The following FTO variants were observed in gnomAD, a reference collection of about 807,000 sequenced individuals.
FTO encodes alpha-ketoglutarate-dependent dioxygenase FTO.
In FTO, 47 loss-of-function variants were observed where a neutral mutation model predicts 63.9. The observed-to-expected ratio is 0.74, with a 90% CI of 0.58 to 0.94. The LOEUF (loss-of-function observed/expected upper bound fraction) is 0.94. Among genes scored for constraint, FTO ranks in the 40% least tolerant of loss-of-function variants. The pLI, the probability that FTO is intolerant of heterozygous loss-of-function variation, is 0.00. For synonymous variants in FTO, 207 were observed against 224.4 expected (o/e 0.92, Z 0.69); for missense variants, 562 against 618.1 (o/e 0.91, Z 0.96).
At chr16:54,033,911 A>G (rs1414122822) in intron 8 of FTO, 2 of 152,190 alleles carry the variant, frequency 1.3e-5, no homozygotes, top group African/African-American at 4.8e-5. Flanking sequence ...TCCAAACAAT[A>G]TGACTCGCCT....
At chr16:53,861,124 A>G (rs1015484229) in intron 4 of FTO, among the ~76,000 whole-genome samples, 4 of 152,218 alleles carry the variant, frequency 2.6e-5, no homozygotes, top group Non-Finnish European at 5.9e-5. Context: ...ATATATTGCT[A>G]CAGTGAACAT....
chr16:53,760,986 CTTTTCTT>C (rs1438247095), intron 1 of FTO, among the ~76,000 whole-genome samples: 1 of 135,942 alleles, frequency 7.4e-6, no homozygotes, highest in African/African-American at 3.4e-5. Flanking sequence ...TTGTTGTCTC[CTTTTCTT>C]TTTTCTTTTC....
chr16:54,003,069 C>G (rs1239429740), intron 8 of FTO, among the ~76,000 whole-genome samples: 1 of 152,174 alleles, frequency 6.6e-6, no homozygotes, highest in Non-Finnish European at 1.5e-5. Flanking sequence ...CCAGAAATAC[C>G]AACCCAAGAT....
chr16:54,022,192 T>C (rs575459982), intron 8 of FTO, among the ~76,000 whole-genome samples: 4 of 152,314 alleles, frequency 2.6e-5, no homozygotes, highest in Non-Finnish European at 5.9e-5. Flanking sequence ...GAGAGCAGTT[T>C]TGGGGACTAG....
intron 7 of FTO, among the ~76,000 whole-genome samples, chr16:53,928,445 C>T (rs2082200401): frequency 6.6e-6 from 1 of 152,140 alleles, no homozygotes; most frequent in Non-Finnish European, 1.5e-5. Flanking sequence ...GGGAAGTCAA[C>T]CCTTGAAAAG....
chr16:53,987,530 C>T (rs1599149993), intron 8 of FTO, among the ~76,000 whole-genome samples: 2 of 150,398 alleles, frequency 1.3e-5, no homozygotes, highest in Admixed American at 6.7e-5. Flanking sequence ...TTACAGTGAA[C>T]CGAGATTGCG....
At chr16:53,934,467 A>G (rs1247961834) in intron 8 of FTO, among the ~76,000 whole-genome samples, 11 of 152,244 alleles carry the variant, frequency 7.2e-5, no homozygotes, top group Admixed American at 7.2e-4. Context: ...TGAGAAATCC[A>G]TATAGTGCTC....
chr16:54,042,235 G>A (rs1346909437), intron 8 of FTO, among the ~76,000 whole-genome samples: 5 of 145,638 alleles, frequency 3.4e-5, no homozygotes, highest in Non-Finnish European at 7.5e-5. Flanking sequence ...AGTGGGCGCA[G>A]GCCAGTGTGT....
At chr16:54,092,691 G>C (rs1049586833) in intron 8 of FTO, among the ~76,000 whole-genome samples, 1 of 152,174 alleles carries the variant, frequency 6.6e-6, no homozygotes, top group African/African-American at 2.4e-5. Flanking sequence ...ATCACTTTAA[G>C]TTAGCAACCG....
At chr16:53,898,669 T>C (rs1857681083) in intron 7 of FTO, among the ~76,000 whole-genome samples, 1 of 152,112 alleles carries the variant, frequency 6.6e-6, no homozygotes, top group African/African-American at 2.4e-5. Flanking sequence ...CTCCCACCCA[T>C]GTTGATCAGT....
At chr16:53,940,419 G>A (rs984177864) in intron 8 of FTO, among the ~76,000 whole-genome samples, 2 of 152,182 alleles carry the variant, frequency 1.3e-5, no homozygotes, top group Non-Finnish European at 2.9e-5. Context: ...AATTGCAGCA[G>A]TGCACGTTTC....
intron 4 of FTO, among the ~76,000 whole-genome samples, chr16:53,857,507 G>A (rs919147273): frequency 6.6e-6 from 1 of 151,588 alleles, no homozygotes; most frequent in Non-Finnish European, 1.5e-5. Flanking sequence ...CTGGGGCTTC[G>A]AGGGCTGACC....
chr16:53,988,799 A>G (rs1396817258), intron 8 of FTO, among the ~76,000 whole-genome samples: 1 of 152,186 alleles, frequency 6.6e-6, no homozygotes, highest in Non-Finnish European at 1.5e-5. Flanking sequence ...GTTTGAACCC[A>G]TTATGCCTCA....
At chr16:53,794,740 A>G (rs2078016745) in intron 1 of FTO, among the ~76,000 whole-genome samples, 1 of 152,182 alleles carries the variant, frequency 6.6e-6, no homozygotes, top group African/African-American at 2.4e-5. Context: ...TGTTACAATT[A>G]TGAGGTTTGG....
intron 7 of FTO, among the ~76,000 whole-genome samples, chr16:53,910,243 C>G (rs1008191682): frequency 6.6e-6 from 1 of 152,008 alleles, no homozygotes; most frequent in African/African-American, 2.4e-5. Context: ...AACTAGAGAA[C>G]AAGTAGAGGG....
At chr16:54,101,368 G>A (rs915829924) in intron 8 of FTO, among the ~76,000 whole-genome samples, 2 of 152,102 alleles carry the variant, frequency 1.3e-5, no homozygotes, top group African/African-American at 2.4e-5. Context: ...ACTTAAAAGT[G>A]AGAACATGCA....
intron 7 of FTO, among the ~76,000 whole-genome samples, chr16:53,923,748 T>C (rs1447893610): frequency 6.6e-6 from 1 of 152,058 alleles, no homozygotes; most frequent in Non-Finnish European, 1.5e-5. Flanking sequence ...ACACCAGCGT[T>C]GCCAACTGGA....
Position 54,113,042 on chromosome 16 carries a change from C to G in FTO, c.*1127C>G, listed in dbSNP as rs760976427. 1 of 152,148 alleles carries G rather than the reference C, an allele frequency of 6.6e-6. No individual in the cohort carries two copies. The highest frequency in any genetic ancestry group is 1.5e-5 in the Non-Finnish European group (1 of 68,028). The allele number at this position is 152,148 out of a possible 1,614,324, so 9.4% of individuals were successfully genotyped here. ...GTATAATGGGGATATATGAAAGGCA[C>G]CAGTCCTAAGGTGAACATTAAGTGA... On this transcript the variant is annotated 3_prime_UTR_variant, in exon 9 of 9. Coordinates refer to ENST00000471389, the MANE Select transcript of FTO (RefSeq NM_001080432.3).
intron 8 of FTO, among the ~76,000 whole-genome samples, chr16:54,053,450 C>T (rs1156676251): frequency 6.6e-6 from 1 of 152,154 alleles, no homozygotes; most frequent in Non-Finnish European, 1.5e-5. Flanking sequence ...ACTTGATTCT[C>T]TGGCCTCGCT....
Sources: allele counts gnomAD v4.1 joint callset (sites outside exome capture counted in the v4.1 genomes callset), GRCh38; gene constraint gnomAD v4.1.1; transcripts MANE v1.5; gene names NCBI Gene and HGNC (gene_info 2026-07-23, HGNC 2026-07-21).